RP1L1: variants seen among roughly 807,000 people sequenced by gnomAD.
RP1L1 encodes retinitis pigmentosa 1-like 1 protein.
A neutral mutation model predicts 15.7 loss-of-function variants in RP1L1; 27 were observed. The ratio of observed to expected loss-of-function variants is 1.72; its 90% CI spans 1.27 to 2.38. The LOEUF (loss-of-function observed/expected upper bound fraction) is 2.38, where lower values mean the gene tolerates loss of function less well. RP1L1 is among the 30% of genes most tolerant of loss of function. RP1L1 has a pLI of 0.00. For missense variants in RP1L1, 4,798 were observed against 3,075.9 expected, an observed-to-expected ratio of 1.56 and a Z score of -13.24; for synonymous variants, 1,813 against 1,276.7, an observed-to-expected ratio of 1.42 and a Z score of -8.96.
rs868806061 is a variant in RP1L1, at chr8:10,612,396, C to G, written c.1702G>C (p.Ala568Pro). Residue 568 changes from alanine to proline, a missense_variant, in exon 4 of 4, where the codon GCC becomes CCC. Physicochemically the swap from Ala to Pro is conservative, Grantham distance 27. Transcript: ENST00000382483. ...KARAETSQQEASEGGDPASPA... is the reference protein window; with the variant it reads ...KARAETSQQEPSEGGDPASPA... ...GAAGCGGGGTCGCCTCCCTCGCTGG[C>G]CTCCTGCTGAGAGGTCTCGGCCCTT... The G allele has an allele frequency of 6.2e-7, 1 of 1,612,670 alleles. No individual in the cohort carries two copies. Among genetic ancestry groups the G allele is most frequent in the African/African-American group, 1.3e-5 (1 of 74,944 alleles).
chr8:10,612,493 C>G lies in RP1L1; in HGVS notation c.1605G>C (p.Ser535=). 1 of 1,612,360 alleles carries G rather than the reference C, an allele frequency of 6.2e-7. No homozygotes were observed. The highest frequency in any genetic ancestry group is 8.5e-7 in the Non-Finnish European group (1 of 1,179,946). The change falls in exon 4 of 4, where the codon TCG becomes TCC. Residue 535 remains serine (S), a synonymous_variant. Coordinates refer to ENST00000382483, the MANE Select transcript of RP1L1 (RefSeq NM_178857.6). ...ARSEEGASSD[S]SASTGSHEGS... ...CCTCATGAGAGCCGGTGCTGGCTGA[C>G]GAGTCCGAAGAAGCCCCCTCCTCAC...
intron 1 of RP1L1, among the ~76,000 whole-genome samples, chr8:10,642,923 T>C (rs1054709412): frequency 3.9e-5 from 6 of 152,168 alleles, no homozygotes; most frequent in African/African-American, 1.4e-4. Flanking sequence ...CATAAGATGA[T>C]TTTAAGTGTT....
rs761186026 is a variant in RP1L1 at position 10,623,128 on chromosome 8, G to A, written c.74C>T (p.Pro25Leu). 5 of 1,610,750 alleles carry A rather than the reference G, an allele frequency of 3.1e-6. No homozygotes were observed. In the South Asian group the frequency reaches 3.3e-5, roughly 11 times the overall value. Residue 25 changes from proline (P) to leucine (L), a missense_variant, in exon 2 of 4, where the codon CCC becomes CTC. Transcript: ENST00000382483. ...GGCTGGCGTGACCTTGGTGACCGAG[G>A]GGGTGCGAGCCACAGAGGGCAGGAA... The part of the protein sequence containing the change: ...ECFLPSVART[P>L]SVTKVTPAKK...
At position 10,622,984 on chromosome 8, in the gene RP1L1, G is replaced by A; in HGVS notation, c.218C>T (p.Pro73Leu). ...GACAGAGCGCACCCCAAAGGAGAGA[G>A]GCACGCGCTGGGAGAGCTCGTCCAT... ...ALMDELSQRV[P>L]LSFGVRSVTT... The change falls in exon 2 of 4, where the codon CCT becomes CTT. Residue 73 changes from proline (P) to leucine (L), a missense_variant. Transcript: ENST00000382483. The A allele has an allele frequency of 1.2e-6, 2 of 1,614,178 alleles. No individual in the cohort carries two copies. Among genetic ancestry groups the A allele is most frequent in the East Asian group, 2.2e-5 (1 of 44,882 alleles).
In RP1L1 at chr8:10,610,827, C is replaced by G; in HGVS notation, c.3271G>C (p.Gly1091Arg). 2 of 1,607,544 alleles carry G rather than the reference C, an allele frequency of 1.2e-6. No homozygotes were observed. Among genetic ancestry groups the G allele is most frequent in the Non-Finnish European group, 1.7e-6 (2 of 1,176,100 alleles). The change falls in exon 4 of 4, where the codon GGC becomes CGC. Residue 1091 changes from glycine to arginine, a missense_variant. Physicochemically the swap from Gly to Arg is moderately radical, Grantham distance 125. Transcript: ENST00000382483. ...ASTQIMRALM[G>R]SKQGRPSSVP... Reference sequence around the variant, plus strand: ...CTGCTGGGCCGGCCCTGCTTGGAGCCCATCAGCGCCCTCATGATCTGCGTG... The same window carrying G: ...CTGCTGGGCCGGCCCTGCTTGGAGCGCATCAGCGCCCTCATGATCTGCGTG...
intron 2 of RP1L1, among the ~76,000 whole-genome samples, chr8:10,622,243 C>A (rs1040053612): frequency 1.3e-5 from 2 of 151,558 alleles, no homozygotes; most frequent in Non-Finnish European, 2.9e-5. Context: ...TCATTGGAAC[C>A]CAGAAGGCAG....
At chr8:10,654,665 A>G (rs1798611752) in intron 1 of RP1L1, among the ~76,000 whole-genome samples, 1 of 152,234 alleles carries the variant, frequency 6.6e-6, no homozygotes. Flanking sequence ...ATCAACGAGC[A>G]GAAACCTGAA....
intron 1 of RP1L1, among the ~76,000 whole-genome samples, chr8:10,630,162 T>G (rs1457960018): frequency 6.6e-6 from 1 of 152,190 alleles, no homozygotes; most frequent in African/African-American, 2.4e-5. Context: ...TAGATGGTCC[T>G]CCCTTGACCC....
At chr8:10,650,041 T>G (rs1024490785) in intron 1 of RP1L1, among the ~76,000 whole-genome samples, 1 of 152,190 alleles carries the variant, frequency 6.6e-6, no homozygotes, top group African/African-American at 2.4e-5. Context: ...GATCCAACCC[T>G]GGCCAATGAG....
rs560046442 is a variant in RP1L1 at position 10,610,513 on chromosome 8, G to A, written c.3585C>T (p.Pro1195=). The part of the protein sequence containing the change: ...GSHAMTENFT[P]TSSSGVDISS... ...TGATGTCCACACCAGAGGAGGATGT[G>A]GGCGTGAAGTTCTCCGTCATGGCAT... The change falls in exon 4 of 4, where the codon CCC becomes CCT. Residue 1195 remains proline, a synonymous_variant. Transcript: ENST00000382483. 1 of 1,613,810 alleles carries A rather than the reference G, an allele frequency of 6.2e-7. No homozygotes were observed. Among genetic ancestry groups the A allele is most frequent in the East Asian group, 2.2e-5 (1 of 44,876 alleles).
intron 1 of RP1L1, among the ~76,000 whole-genome samples, chr8:10,623,922 C>T (rs1458869945): frequency 6.6e-6 from 1 of 151,832 alleles, no homozygotes; most frequent in Admixed American, 6.6e-5. Context: ...CACCATGTCC[C>T]AGAACCACTG....
chr8:10,624,132 C>T (rs373606829), intron 1 of RP1L1, among the ~76,000 whole-genome samples: 35 of 152,326 alleles, frequency 2.3e-4, no homozygotes, highest in African/African-American at 8.4e-4. Context: ...AGAGGCATCA[C>T]CTTCCAGTCC....
chr8:10,646,174 G>C (rs569238235), intron 1 of RP1L1, among the ~76,000 whole-genome samples: 1 of 152,376 alleles, frequency 6.6e-6, no homozygotes, highest in South Asian at 2.1e-4. Context: ...GCTGCCGAGA[G>C]AGCCTGCTGT....
At chr8:10,645,122 T>C (rs1253430330) in intron 1 of RP1L1, among the ~76,000 whole-genome samples, 1 of 151,320 alleles carries the variant, frequency 6.6e-6, no homozygotes, top group Non-Finnish European at 1.5e-5. Context: ...AGGCCAGGAG[T>C]TCGAGACAAG....
chr8:10,617,399 C>CAAAAAAGAAAA (rs1797984637), intron 2 of RP1L1, among the ~76,000 whole-genome samples: 1 of 83,018 alleles, frequency 1.2e-5, no homozygotes, highest in African/African-American at 4.4e-5. Context: ...TGCTCATTAA[C>CAAAAAAGAAAA]AAAAAAAAAA....
At chr8:10,653,850 C>T (rs1798599188) in intron 1 of RP1L1, among the ~76,000 whole-genome samples, 1 of 152,200 alleles carries the variant, frequency 6.6e-6, no homozygotes, top group African/African-American at 2.4e-5. Context: ...GGTGTGTTCT[C>T]ACTGTCTGAG....
At chr8:10,623,247 C>T in intron 1 of RP1L1, 27 bp from the exon 2 acceptor site, 1 of 1,498,780 alleles carries the variant, frequency 6.7e-7, no homozygotes, top group African/African-American at 1.4e-5. Context: ...GAAGAGGGGT[C>T]AGAGAGCAGC....
Position 10,611,703 on chromosome 8 carries a change from T to C in RP1L1, c.2395A>G (p.Thr799Ala). The C allele has an allele frequency of 1.2e-6, 2 of 1,613,490 alleles. No individual in the cohort carries two copies. The highest frequency in any genetic ancestry group is 1.7e-6 in the Non-Finnish European group (2 of 1,179,974). The change falls in exon 4 of 4, where the codon ACG (threonine) becomes GCG (alanine). Residue 799 changes from threonine (T) to alanine (A), a missense_variant. Transcript: ENST00000382483. ...AASLGEEARDTPQPSSPLVLQ... is the reference protein window; with the variant it reads ...AASLGEEARDAPQPSSPLVLQ... ...ACCAAGGGTGAGGAGGGCTGAGGCGTGTCCCTGGCCTCTTCCCCCAGGCTG... is the reference window on the plus strand; with the variant it reads ...ACCAAGGGTGAGGAGGGCTGAGGCGCGTCCCTGGCCTCTTCCCCCAGGCTG...
At chr8:10,625,023 C>A (rs1432954865) in intron 1 of RP1L1, among the ~76,000 whole-genome samples, 2 of 152,160 alleles carry the variant, frequency 1.3e-5, no homozygotes, top group Non-Finnish European at 2.9e-5. Context: ...CAGTGGATGA[C>A]AGGGGACAAT....
Sources: gnomAD v4.1 joint callset for allele counts (sites outside exome capture counted in the v4.1 genomes callset) on GRCh38, gnomAD v4.1.1 for gene constraint, MANE v1.5 for transcripts, NCBI Gene and HGNC (gene_info 2026-07-23, HGNC 2026-07-21) for gene names.